Variants in GPR4 observed in about 807,000 individuals in gnomAD.
GPR4 encodes the protein G-prodeshotein coupled receptor 4.
In GPR4, 11 loss-of-function variants were observed where a neutral mutation model predicts 17.8. That is an observed-to-expected ratio of 0.62 (90% CI 0.39 to 1.02). The LOEUF (loss-of-function observed/expected upper bound fraction) is 1.02. Ranked by LOEUF, GPR4 falls within the 50% of genes least tolerant of loss-of-function variation. GPR4 has a pLI of 0.00. For synonymous variants in GPR4, 219 were observed against 222.8 expected (o/e 0.98, Z 0.15); for missense variants, 364 against 495.4 (o/e 0.73, Z 2.52).
In GPR4 at chr19:45,602,163, A is replaced by G. The variant is rs1029451977; in HGVS notation, c.-900T>C. ...CGCTGCGTCCAGGTCCCCGGTCTTG[A>G]CAACGGCGCGGGGACCCAGCGGATG... is the stretch of plus-strand genomic sequence containing the variant. On this transcript the variant is annotated 5_prime_UTR_variant, in exon 1 of 2. Coordinates refer to ENST00000323040, the MANE Select transcript of GPR4 (RefSeq NM_005282.3). 6.6e-6 allele frequency: 1 copy of G among 152,114 alleles called. No homozygotes were observed. The highest frequency in any genetic ancestry group is 6.5e-5 in the Admixed American group (1 of 15,286). 9.4% of individuals were successfully genotyped at this position (152,114 alleles called of 1,614,324 possible). A position where few individuals can be genotyped will look rare whatever the true frequency, so the allele number is the denominator to read the frequency against.
rs11284570 is a variant in GPR4 at position 45,594,421 on chromosome 19, C to CAA, written c.-831-1726_-831-1725dup. ...GGGGTGACAGAGCCAGACTCCGTCT[C>CAA]AAAAAAAAAAAAAAAAAAAAAGAGA... is the stretch of plus-strand genomic sequence containing the variant. On this transcript the variant is annotated intron_variant, in intron 1 of 1. Coordinates refer to ENST00000323040, the MANE Select transcript of GPR4 (RefSeq NM_005282.3). 6.9e-3 allele frequency among the ~76,000 whole-genome samples: 520 copies of CAA among 75,584 alleles called. 7 individuals carry two copies. Among genetic ancestry groups the CAA allele is most frequent in the African/African-American group, 0.023 (462 of 20,486 alleles). The allele number at this position is 75,584 out of a possible 152,430, so 49.6% of individuals were successfully genotyped here.
At chr19:45,595,827 TG>T (rs1212336579) in intron 1 of GPR4, among the ~76,000 whole-genome samples, 2 of 151,182 alleles carry the variant, frequency 1.3e-5, no homozygotes, top group African/African-American at 4.9e-5. Flanking sequence ...TGAAACAAGG[TG>T]GGGGTGGAGA....
At chr19:45,597,629 A>G (rs970864864) in intron 1 of GPR4, among the ~76,000 whole-genome samples, 1 of 152,204 alleles carries the variant, frequency 6.6e-6, no homozygotes, top group African/African-American at 2.4e-5. Flanking sequence ...GCACAGAGCC[A>G]TTTGCCAATG....
chr19:45,591,267 C>T lies in GPR4; in HGVS notation c.600G>A (p.Ser200=), dbSNP rs766723727. The T allele has an allele frequency of 1.2e-6, 2 of 1,613,130 alleles. No individual in the cohort carries two copies. The highest frequency in any genetic ancestry group is 1.7e-6 in the Non-Finnish European group (2 of 1,179,940). Residue 200 remains serine (S), a synonymous_variant, in exon 2 of 2, where the codon TCG becomes TCA. Coordinates refer to ENST00000323040, the MANE Select transcript of GPR4 (RefSeq NM_005282.3). The surrounding 1 kb of genome is among the most constrained non-coding windows in gnomAD (Gnocchi z 7.6). ...GCACGGCCCGCAGGATGCCCCGGTA[C>T]GACAGCAGCATGAGCGCCCACGGGA... ...FLFPWALMLL[S]YRGILRAVRG... is the part of the protein sequence containing the mutation.
In GPR4 at chr19:45,598,430, C is replaced by T. The variant is rs531973164; in HGVS notation, c.-832+3665G>A. Among the ~76,000 whole-genome samples, 48 of 152,088 alleles carry T rather than the reference C, an allele frequency of 3.2e-4. 1 individual carries two copies. Among genetic ancestry groups the T allele is most frequent in the Non-Finnish European group, 4.3e-4 (29 of 67,978 alleles). On this transcript the variant is annotated intron_variant, in intron 1 of 1. Coordinates refer to ENST00000323040, the MANE Select transcript of GPR4 (RefSeq NM_005282.3). ...CGGGTACCCGGGCAGGAGACACTTCCGGCAGCCAGAGGAGGAAATACACTT... is the reference window on the plus strand; with the variant it reads ...CGGGTACCCGGGCAGGAGACACTTCTGGCAGCCAGAGGAGGAAATACACTT...
At chr19:45,594,075 TA>T (rs1457721886) in intron 1 of GPR4, among the ~76,000 whole-genome samples, 1 of 74,760 alleles carries the variant, frequency 1.3e-5, no homozygotes, top group Non-Finnish European at 2.2e-5. Flanking sequence ...TATATATATA[TA>T]TATATATATA....
Position 45,591,935 on chromosome 19 carries a change from G to A in GPR4, c.-69C>T, listed in dbSNP as rs1209772250. The A allele has an allele frequency of 4.0e-6, 6 of 1,501,270 alleles. No homozygotes were observed. The highest frequency in any genetic ancestry group is 2.4e-5 in the Admixed American group (1 of 42,482). The allele number at this position is 1,501,270 out of a possible 1,614,324, so 93.0% of individuals were successfully genotyped here. A position where few individuals can be genotyped will look rare whatever the true frequency, so the allele number is the denominator to read the frequency against. On this transcript the variant is annotated 5_prime_UTR_variant, in exon 2 of 2. Transcript: ENST00000323040. This position sits in a 1 kb window ranked among gnomAD's most constrained non-coding sequence, Gnocchi z 7.6. The stretch of plus-strand genomic sequence containing the variant: ...GGCTGTGGGGCCACAGGGAGCGGGA[G>A]GCCATGGGGCCCCCTGAGCCCCTTC...
Position 45,590,930 on chromosome 19 carries a change from G to C in GPR4, c.937C>G (p.Pro313Ala), listed in dbSNP as rs372410283. The C allele has an allele frequency of 1.2e-6, 2 of 1,613,974 alleles. No homozygotes were observed. The highest frequency in any genetic ancestry group is 2.7e-5 in the African/African-American group (2 of 74,954). ...NLLRFLASDK[P>A]QEMANASLTL... ...AGCGAGGCATTGGCCATCTCCTGGG[G>C]CTTGTCGCTGGCCAGAAAGCGGAGC... The change falls in exon 2 of 2, where the codon CCC becomes GCC. Residue 313 changes from proline (P) to alanine (A), a missense_variant. By Grantham distance (27) the Pro-to-Ala change is conservative. Around this residue, in one of 3 missense-constraint regions of GPR4, gnomAD observed 92 missense variants for 106.0 expected, o/e 0.87. Coordinates refer to ENST00000323040, the MANE Select transcript of GPR4 (RefSeq NM_005282.3).
At chr19:45,595,145 A>G (rs1970044311) in intron 1 of GPR4, among the ~76,000 whole-genome samples, 2 of 151,166 alleles carry the variant, frequency 1.3e-5, no homozygotes, top group Admixed American at 6.6e-5. Context: ...GTGTGGCGGC[A>G]CATGCCTGTA....
In GPR4 at chr19:45,591,167, G is replaced by T; in HGVS notation, c.700C>A (p.Leu234Met). The stretch of plus-strand genomic sequence containing the variant: ...ACGTGATAGGGCGCAAAGCAGACCA[G>T]CACGATGGCGATGAGGCTGAGGGCC... Reference protein sequence around the residue: ...RLALSLIAIVLVCFAPYHVLL... With the variant: ...RLALSLIAIVMVCFAPYHVLL... The change falls in exon 2 of 2, where the codon CTG becomes ATG. Residue 234 changes from leucine to methionine, a missense_variant. Around this residue, in one of 3 missense-constraint regions of GPR4, gnomAD observed 271 missense variants for 373.1 expected, o/e 0.73. Coordinates refer to ENST00000323040, the MANE Select transcript of GPR4 (RefSeq NM_005282.3). This position sits in a 1 kb window ranked among gnomAD's most constrained non-coding sequence, Gnocchi z 7.6. The T allele has an allele frequency of 6.2e-7, 1 of 1,613,644 alleles. No homozygotes were observed. Among genetic ancestry groups the T allele is most frequent in the South Asian group, 1.1e-5 (1 of 91,074 alleles).
chr19:45,594,888 C>T (rs1002804329), intron 1 of GPR4, among the ~76,000 whole-genome samples: 8 of 151,862 alleles, frequency 5.3e-5, no homozygotes, highest in African/African-American at 1.7e-4. Context: ...GATGCTGAGG[C>T]GAGAGGATTG....
At position 45,591,813 on chromosome 19, in the gene GPR4, G is replaced by C. The variant is rs1206439486; in HGVS notation, c.54C>G (p.Leu18=). ...CAAAGATGTAGAGGGATGGCGGAAA[G>C]AGGTGGTCCACGCGCGAGTCCACGT... ...GCHVDSRVDH[L]FPPSLYIFVI... is the part of the protein sequence containing the mutation. Residue 18 remains leucine, a synonymous_variant, in exon 2 of 2, where the codon CTC becomes CTG. Transcript: ENST00000323040. This position sits in a 1 kb window ranked among gnomAD's most constrained non-coding sequence, Gnocchi z 7.6. 1 of 1,604,902 alleles carries C rather than the reference G, an allele frequency of 6.2e-7. No homozygotes were observed. Among genetic ancestry groups the C allele is most frequent in the Non-Finnish European group, 8.5e-7 (1 of 1,173,966 alleles).
At chr19:45,594,846 G>A (rs1379824184) in intron 1 of GPR4, among the ~76,000 whole-genome samples, 1 of 66,284 alleles carries the variant, frequency 1.5e-5, no homozygotes, top group Admixed American at 1.7e-4. Context: ...AGCTGGGCGT[G>A]GTGGCACATA....
chr19:45,598,522 C>T (rs1488329343), intron 1 of GPR4, among the ~76,000 whole-genome samples: 1 of 152,146 alleles, frequency 6.6e-6, no homozygotes, highest in Non-Finnish European at 1.5e-5. Context: ...CACCCCTCCT[C>T]CCCAACCTGC....
At chr19:45,597,360 C>T (rs555782677) in intron 1 of GPR4, among the ~76,000 whole-genome samples, 1 of 152,272 alleles carries the variant, frequency 6.6e-6, no homozygotes, top group African/African-American at 2.4e-5. Flanking sequence ...TGAGCCACTG[C>T]TCTTCCTTCA....
chr19:45,600,857 C>G (rs139356233), intron 1 of GPR4, among the ~76,000 whole-genome samples: 1 of 152,262 alleles, frequency 6.6e-6, no homozygotes, highest in Admixed American at 6.5e-5. Context: ...TTGGAAAGAT[C>G]TGGAATTCCC....
intron 1 of GPR4, among the ~76,000 whole-genome samples, chr19:45,597,487 C>CT (rs1970069503): frequency 6.6e-6 from 1 of 152,158 alleles, no homozygotes; most frequent in Non-Finnish European, 1.5e-5. Flanking sequence ...TTGTTTGTGT[C>CT]TGTCTGCCTA....
At chr19:45,596,362 C>A (rs922531196) in intron 1 of GPR4, among the ~76,000 whole-genome samples, 1 of 152,014 alleles carries the variant, frequency 6.6e-6, no homozygotes, top group Non-Finnish European at 1.5e-5. Context: ...TGCGTCACCA[C>A]GCTCAGCTAA....
intron 1 of GPR4, among the ~76,000 whole-genome samples, chr19:45,594,064 ATATATATAT>A (rs1214547944): frequency 1.4e-4 from 4 of 28,228 alleles, no homozygotes; most frequent in African/African-American, 6.3e-4. Flanking sequence ...AAAAAAAAAA[ATATATATAT>A]ATATATATAT....
Sources: allele counts gnomAD v4.1 joint callset (sites outside exome capture counted in the v4.1 genomes callset), GRCh38; gene constraint gnomAD v4.1.1; regional missense constraint gnomAD v4.1.1; non-coding constraint Gnocchi (gnomAD v3.1); transcripts MANE v1.5; gene names NCBI Gene and HGNC (gene_info 2026-07-23, HGNC 2026-07-21).